The following DEFB124 variants were observed in gnomAD, a reference collection of about 807,000 sequenced individuals.
The protein encoded by DEFB124 is beta-defensin 124.
For missense variants in DEFB124, 78 were observed against 83.1 expected (o/e 0.94, Z 0.24); for synonymous variants, 38 against 36.5 (o/e 1.04, Z -0.15).
Position 31,473,041 on chromosome 20 carries a change from G to A in DEFB124, c.-25-3C>T, listed in dbSNP as rs768430112. On this transcript the variant is annotated splice_polypyrimidine_tract_variant and splice_region_variant and intron_variant, in intron 1 of 2. Coordinates refer to ENST00000317676, the MANE Select transcript of DEFB124 (RefSeq NM_001037500.2). ...CCACGGGGCTCCTGGGGAGGCTGCT[G>A]GAGAGAGCACAAGAGGAAAGACCCG... The A allele has an allele frequency of 1.9e-6, 3 of 1,612,452 alleles. No individual in the cohort carries two copies. The highest frequency in any genetic ancestry group is 1.3e-5 in the African/African-American group (1 of 74,874).
intron 2 of DEFB124, among the ~76,000 whole-genome samples, chr20:31,470,375 G>T (rs1303846836): frequency 9.1e-5 from 13 of 142,198 alleles, no homozygotes; most frequent in African/African-American, 2.7e-4. Flanking sequence ...CTGGCCGGGC[G>T]GGGGGCTGAC....
At chr20:31,466,504 A>C (rs1400620547) in intron 2 of DEFB124, among the ~76,000 whole-genome samples, 1 of 151,280 alleles carries the variant, frequency 6.6e-6, no homozygotes, top group Admixed American at 6.6e-5. Flanking sequence ...GGGGGCTGAG[A>C]CAGAAGAATC....
chr20:31,470,980 C>T lies in DEFB124; in HGVS notation c.58+1976G>A, dbSNP rs1441735040. ...CTGGGCAGAAGCGCCCCTCACTTCC[C>T]GGACGGGGCGGCTGGCCGGGCAGGG... is the stretch of plus-strand genomic sequence containing the variant. On this transcript the variant is annotated intron_variant, in intron 2 of 2. Transcript: ENST00000317676. 3.5e-5 allele frequency among the ~76,000 whole-genome samples: 5 copies of T among 141,862 alleles called. No homozygotes were observed. In the East Asian group the frequency reaches 6.6e-4, roughly 19 times the overall value. The allele number at this position is 141,862 out of a possible 152,430, so 93.1% of individuals were successfully genotyped here.
chr20:31,473,300 C>G (rs965420761), intron 1 of DEFB124, among the ~76,000 whole-genome samples: 3 of 152,116 alleles, frequency 2.0e-5, no homozygotes, highest in African/African-American at 7.2e-5. Context: ...GACATCTTCC[C>G]CACCTAAGAG....
At chr20:31,472,297 G>C (rs1980348109) in intron 2 of DEFB124, among the ~76,000 whole-genome samples, 1 of 152,190 alleles carries the variant, frequency 6.6e-6, no homozygotes, top group South Asian at 2.1e-4. Context: ...CAGGCACTGG[G>C]CAGGCTGAGG....
In DEFB124 at chr20:31,471,588, C is replaced by T. The variant is rs1416508616; in HGVS notation, c.58+1368G>A. Among the ~76,000 whole-genome samples, 788 of 148,506 alleles carry T rather than the reference C, an allele frequency of 5.3e-3. 33 individuals are homozygous for T. The highest frequency in any genetic ancestry group is 0.048 in the Admixed American group (715 of 15,002). ...GGACGGGGCGGCTGCCGGGCGGAGACGCTCCTCACTTCCCAGACGGGGTGG... is the reference window on the plus strand; with the variant it reads ...GGACGGGGCGGCTGCCGGGCGGAGATGCTCCTCACTTCCCAGACGGGGTGG... On this transcript the variant is annotated intron_variant, in intron 2 of 2. Transcript: ENST00000317676.
At chr20:31,472,210 G>T (rs1386413724) in intron 2 of DEFB124, among the ~76,000 whole-genome samples, 1 of 152,164 alleles carries the variant, frequency 6.6e-6, no homozygotes, top group East Asian at 1.9e-4. Flanking sequence ...AGACCAGCCC[G>T]GCCAACACAG....
chr20:31,470,384 A>AC (rs376410015), intron 2 of DEFB124, among the ~76,000 whole-genome samples: 2 of 104,342 alleles, frequency 1.9e-5, no homozygotes, highest in African/African-American at 3.6e-5. Flanking sequence ...CGGGGGGCTG[A>AC]CCCCCCCACC....
intron 2 of DEFB124, among the ~76,000 whole-genome samples, chr20:31,469,018 A>G (rs1980154200): frequency 6.6e-6 from 1 of 152,330 alleles, no homozygotes; most frequent in African/African-American, 2.4e-5. Context: ...TTTCTGCATA[A>G]GTTTAAATTT....
At chr20:31,466,778 G>A (rs945718132) in intron 2 of DEFB124, among the ~76,000 whole-genome samples, 7 of 151,750 alleles carry the variant, frequency 4.6e-5, no homozygotes, top group Admixed American at 3.9e-4. Flanking sequence ...TCCAAACATG[G>A]GCAATGGAAA....
At chr20:31,471,583 G>A (rs1055536400) in intron 2 of DEFB124, among the ~76,000 whole-genome samples, 6 of 146,288 alleles carry the variant, frequency 4.1e-5, no homozygotes, top group African/African-American at 7.7e-5. Context: ...GCTGCCGGGC[G>A]GAGACGCTCC....
intron 2 of DEFB124, among the ~76,000 whole-genome samples, chr20:31,467,646 C>T (rs1980115074): frequency 6.6e-6 from 1 of 152,214 alleles, no homozygotes; most frequent in Admixed American, 6.5e-5. Flanking sequence ...AATCCTCTCA[C>T]TCACCAGTAA....
At chr20:31,469,173 A>G (rs1980159695) in intron 2 of DEFB124, among the ~76,000 whole-genome samples, 1 of 152,214 alleles carries the variant, frequency 6.6e-6, no homozygotes, top group Admixed American at 6.5e-5. Context: ...CTGTAATCCT[A>G]GCAATTTGGG....
intron 2 of DEFB124, among the ~76,000 whole-genome samples, chr20:31,467,109 A>G (rs1312732324): frequency 6.6e-6 from 1 of 152,220 alleles, no homozygotes; most frequent in Admixed American, 6.5e-5. Flanking sequence ...TGACTGTTAA[A>G]TGACATTTCT....
chr20:31,468,836 C>T (rs113697242), intron 2 of DEFB124, among the ~76,000 whole-genome samples: 3,118 of 151,940 alleles, frequency 0.021, 90 homozygotes, highest in African/African-American at 0.071. Context: ...ACCAAAGTTT[C>T]TGGCTGGGCT....
chr20:31,474,343 G>A (rs1163267588), intron 1 of DEFB124, among the ~76,000 whole-genome samples: 5 of 152,200 alleles, frequency 3.3e-5, no homozygotes, highest in Admixed American at 1.3e-4. Flanking sequence ...GCCAAGCCAC[G>A]GAAGGAAGCC....
At chr20:31,466,376 G>A (rs1404548895) in intron 2 of DEFB124, among the ~76,000 whole-genome samples, 1 of 151,754 alleles carries the variant, frequency 6.6e-6, no homozygotes, top group Non-Finnish European at 1.5e-5. Context: ...GAGGCGGGTG[G>A]ATCACCTGGG....
chr20:31,469,160 T>C, intron 2 of DEFB124, among the ~76,000 whole-genome samples: 1 of 152,176 alleles, frequency 6.6e-6, no homozygotes, highest in Non-Finnish European at 1.5e-5. Flanking sequence ...TGGTGGCTCA[T>C]GTCTGTAATC....
At chr20:31,470,596 C>CG (rs1443790060) in intron 2 of DEFB124, among the ~76,000 whole-genome samples, 1 of 101,518 alleles carries the variant, frequency 9.9e-6, no homozygotes, top group African/African-American at 5.1e-5. Flanking sequence ...GCTGGCCGGG[C>CG]GGGGGGCTGA....
Sources: gnomAD v4.1 joint callset for allele counts (sites outside exome capture counted in the v4.1 genomes callset) on GRCh38, gnomAD v4.1.1 for gene constraint, MANE v1.5 for transcripts, NCBI Gene and HGNC (gene_info 2026-07-23, HGNC 2026-07-21) for gene names.